The following MX1 variants were observed in gnomAD, a reference collection of about 807,000 sequenced individuals.
MX1 encodes interferon-induced GTP-binding protein Mx1.
A neutral mutation model predicts 66.4 loss-of-function variants in MX1; 66 were observed. The ratio of observed to expected loss-of-function variants is 0.99; its 90% confidence interval spans 0.82 to 1.22. The LOEUF (loss-of-function observed/expected upper bound fraction) is 1.22. Among genes scored for constraint, MX1 ranks in the 50% most tolerant of loss-of-function variants. MX1 has a pLI of 0.00. For synonymous variants in MX1, 311 were observed against 318.1 expected, an observed-to-expected ratio of 0.98 and a Z score of 0.24; for missense variants, 787 against 834.3, an observed-to-expected ratio of 0.94 and a Z score of 0.70.
At chr21:41,458,431 T>G in intron 16 of MX1, 97 bp from the exon 17 acceptor site, 1 of 1,454,614 alleles carries the variant, frequency 6.9e-7, no homozygotes, top group Non-Finnish European at 9.4e-7. Flanking sequence ...GTCTCCCTCA[T>G]TGAGAATCTG....
chr21:41,449,934 G>A (rs1381875979), intron 14 of MX1: 1 of 152,202 alleles, frequency 6.6e-6, no homozygotes, highest in African/African-American at 2.4e-5. Flanking sequence ...CCAAGGCTTG[G>A]TCTTTCTAGT....
intron 13 of MX1, among the ~76,000 whole-genome samples, chr21:41,448,922 A>C (rs2090741097): frequency 7.5e-6 from 1 of 134,138 alleles, no homozygotes; most frequent in African/African-American, 2.7e-5. Context: ...TTATCTTCAG[A>C]TCTGGTTTTG....
upstream of MX1, among the ~76,000 whole-genome samples, chr21:41,424,226 A>AGTGTGTGTGT (rs3037030): frequency 0.035 from 5,070 of 146,254 alleles, 159 homozygotes; most frequent in African/African-American, 0.085. Flanking sequence ...AGAGGGGTTG[A>AGTGTGTGTGT]GTGTGTGTGT....
At position 41,442,006 on chromosome 21, in the gene MX1, A is replaced by AGT. The variant is rs10693544; in HGVS notation, c.929+110_929+111dup. Reference sequence around the variant, plus strand: ...TGGCAGCCGTCCCACAGATGTGTGGAGTGTGTGTGTGTGTGTGTGCGTGTG... The same window carrying AGT: ...TGGCAGCCGTCCCACAGATGTGTGGAGTGTGTGTGTGTGTGTGTGTGCGTGTG... On this transcript the variant is annotated intron_variant, in intron 10 of 16. Coordinates refer to ENST00000398598, the MANE Select transcript of MX1 (RefSeq NM_002462.5). The AGT allele has an allele frequency of 0.014, 12,815 of 901,950 alleles. 520 individuals carry two copies. In the African/African-American group the frequency reaches 0.15, roughly 10 times the overall value. 55.9% of individuals were successfully genotyped at this position (901,950 alleles called of 1,614,324 possible). A position where few individuals can be genotyped will look rare whatever the true frequency, so the allele number is the denominator to read the frequency against.
At chr21:41,452,517 A>T in intron 15 of MX1, 104 bp from the exon 16 acceptor site, 1 of 1,286,234 alleles carries the variant, frequency 7.8e-7, no homozygotes, top group Non-Finnish European at 1.1e-6. Context: ...GTGCTGTTTC[A>T]CTCACGTTGG....
At chr21:41,451,051 G>A in intron 14 of MX1, 116 bp from the exon 15 acceptor site, 1 of 667,824 alleles carries the variant, frequency 1.5e-6, no homozygotes, top group Non-Finnish European at 2.6e-6. Context: ...AGAGAAGAAG[G>A]GAGCGGGGAG....
At chr21:41,426,760 G>A (rs986427525) in intron 1 of MX1, 6 of 152,318 alleles carry the variant, frequency 3.9e-5, no homozygotes, top group African/African-American at 1.2e-4. Flanking sequence ...GAAGGTTCAA[G>A]GAGTTCTCGC....
upstream of MX1, chr21:41,421,260 T>C (rs1337949693): frequency 6.6e-6 from 1 of 152,318 alleles, no homozygotes. Flanking sequence ...AGCCTTAAAG[T>C]GGTTTTTCCC....
upstream of MX1, among the ~76,000 whole-genome samples, chr21:41,421,534 C>T (rs1007597234): frequency 1.3e-5 from 2 of 152,182 alleles, no homozygotes; most frequent in Non-Finnish European, 2.9e-5. Context: ...GAGGTCCCTG[C>T]GGCCTTCCGC....
intron 7 of MX1, among the ~76,000 whole-genome samples, chr21:41,438,309 C>T (rs1446057568): frequency 1.1e-4 from 17 of 152,246 alleles, no homozygotes; most frequent in Non-Finnish European, 1.8e-4. Flanking sequence ...TGCCTTAGCC[C>T]TTGCTGTATA....
chr21:41,433,789 A>G lies in MX1; in HGVS notation c.105+1614A>G, dbSNP rs572821642. Reference sequence around the variant, plus strand: ...TGTTCTTAACCCAAGTGGTTGGTACATGCATATTTGCTTTATTATGTTTGA... The same window carrying G: ...TGTTCTTAACCCAAGTGGTTGGTACGTGCATATTTGCTTTATTATGTTTGA... On this transcript the variant is annotated intron_variant, in intron 5 of 16. Transcript: ENST00000398598. 5.9e-5 allele frequency among the ~76,000 whole-genome samples: 9 copies of G among 152,366 alleles called. No individual in the cohort carries two copies. The South Asian group carries it at 1.9e-3, about 32-fold the overall frequency.
At chr21:41,439,476 C>T (rs549546764) in intron 7 of MX1, among the ~76,000 whole-genome samples, 1 of 152,302 alleles carries the variant, frequency 6.6e-6, no homozygotes, top group South Asian at 2.1e-4. Context: ...GACGTTCTCA[C>T]AAGGTCTCTC....
intron 16 of MX1, among the ~76,000 whole-genome samples, chr21:41,455,097 A>G (rs1424500881): frequency 6.6e-6 from 1 of 151,966 alleles, no homozygotes; most frequent in Non-Finnish European, 1.5e-5. Flanking sequence ...TTTAGTAGAG[A>G]TGGACTTTTA....
At chr21:41,425,562 G>A (rs997166521), upstream of MX1, among the ~76,000 whole-genome samples, 4 of 152,134 alleles carry the variant, frequency 2.6e-5, no homozygotes, top group Non-Finnish European at 5.9e-5. Flanking sequence ...CCTGGGATGC[G>A]ATGGCCTGGC....
At chr21:41,437,230 C>T in intron 7 of MX1, 78 bp downstream of exon 7, 1 of 1,517,314 alleles carries the variant, frequency 6.6e-7, no homozygotes, top group Non-Finnish European at 9.0e-7. Flanking sequence ...CATACTCCCA[C>T]CTCCCTGGGC....
chr21:41,424,226 AGT>A (rs3037030), upstream of MX1, among the ~76,000 whole-genome samples: 13,402 of 146,146 alleles, frequency 0.092, 648 homozygotes, highest in African/African-American at 0.14. Flanking sequence ...AGAGGGGTTG[AGT>A]GTGTGTGTGT....
intron 16 of MX1, among the ~76,000 whole-genome samples, chr21:41,454,106 C>A (rs575882220): frequency 1.8e-4 from 28 of 151,700 alleles, no homozygotes; most frequent in African/African-American, 4.6e-4. Context: ...ATTCCCCCCC[C>A]ACAAAACATG....
intron 1 of MX1, chr21:41,426,559 TGGGGGAC>T (rs2090065093): frequency 7.4e-6 from 1 of 134,786 alleles, no homozygotes; most frequent in South Asian, 2.9e-4. Context: ...TGGGAAGGGG[TGGGGGAC>T]GGGGCTCGGG....
upstream of MX1, chr21:41,421,328 G>A (rs1416732224): frequency 6.6e-6 from 1 of 152,166 alleles, no homozygotes; most frequent in Non-Finnish European, 1.5e-5. Context: ...CATTGCCCAG[G>A]GACGGGCAGG....
Sources: allele counts gnomAD v4.1 joint callset (sites outside exome capture counted in the v4.1 genomes callset), GRCh38; gene constraint gnomAD v4.1.1; transcripts MANE v1.5; gene names NCBI Gene and HGNC (gene_info 2026-07-23, HGNC 2026-07-21).